TMEM266: variants seen among roughly 807,000 people sequenced by gnomAD.
TMEM266 encodes the protein Hv1 related protein 1.
A neutral mutation model predicts 50.5 loss-of-function variants in TMEM266; 33 were observed. The ratio of observed to expected loss-of-function variants is 0.65; its 90% CI spans 0.50 to 0.87. The LOEUF (loss-of-function observed/expected upper bound fraction) is 0.87, where lower values mean the gene tolerates loss of function less well. Ranked by LOEUF, TMEM266 falls within the 40% of genes least tolerant of loss-of-function variation. The pLI is 0.00. For missense variants in TMEM266, 655 were observed against 695.1 expected (o/e 0.94, Z 0.65); for synonymous variants, 310 against 292.3 (o/e 1.06, Z -0.62).
chr15:76,080,967 T>G (rs1335888293), intron 1 of TMEM266, among the ~76,000 whole-genome samples: 6 of 151,464 alleles, frequency 4.0e-5, no homozygotes, highest in Admixed American at 2.0e-4. Context: ...CCCAGGCTGG[T>G]CTCCAACCCT....
intron 8 of TMEM266, among the ~76,000 whole-genome samples, chr15:76,190,147 G>A (rs1178447802): frequency 6.6e-6 from 1 of 152,252 alleles, no homozygotes; most frequent in Non-Finnish European, 1.5e-5. Context: ...TGATGCAACT[G>A]AGTGCCTGGG....
chr15:76,203,009 A>G (rs1329090207), intron 10 of TMEM266, among the ~76,000 whole-genome samples: 3 of 151,802 alleles, frequency 2.0e-5, no homozygotes, highest in Non-Finnish European at 4.4e-5. Context: ...TCTCCAGCCC[A>G]GACCTCTCTC....
chr15:76,200,828 C>T (rs933780522), intron 9 of TMEM266, among the ~76,000 whole-genome samples: 3 of 152,196 alleles, frequency 2.0e-5, no homozygotes, highest in Non-Finnish European at 2.9e-5. Flanking sequence ...AGCCCGGGGC[C>T]CTCCCTCAAC....
At chr15:76,199,659 T>A (rs2038711172) in intron 9 of TMEM266, among the ~76,000 whole-genome samples, 1 of 152,158 alleles carries the variant, frequency 6.6e-6, no homozygotes, top group South Asian at 2.1e-4. Context: ...CTCGGGGCAC[T>A]TGGCACAGTC....
intron 3 of TMEM266, among the ~76,000 whole-genome samples, 185 bp from the exon 4 acceptor site, chr15:76,156,419 T>G (rs1203983664): frequency 6.6e-6 from 1 of 152,092 alleles, no homozygotes; most frequent in Admixed American, 6.5e-5. Flanking sequence ...TAATGAGATA[T>G]TTTCACCCTT....
At chr15:76,098,516 G>T (rs779559242) in intron 1 of TMEM266, among the ~76,000 whole-genome samples, 10 of 152,204 alleles carry the variant, frequency 6.6e-5, no homozygotes, top group Non-Finnish European at 1.2e-4. Flanking sequence ...GTGTCTGTCG[G>T]CCCCTACTGG....
At chr15:76,146,187 G>A (rs1022668279) in intron 3 of TMEM266, among the ~76,000 whole-genome samples, 2 of 152,276 alleles carry the variant, frequency 1.3e-5, no homozygotes, top group Middle Eastern at 3.4e-3. Context: ...CCACAGACCC[G>A]TAGGAGAAAT....
intron 4 of TMEM266, among the ~76,000 whole-genome samples, chr15:76,157,941 T>G (rs1049980224): frequency 1.3e-5 from 2 of 152,138 alleles, no homozygotes; most frequent in African/African-American, 4.8e-5. Flanking sequence ...TGAGCCGTGA[T>G]CACGCCACTG....
chr15:76,182,050 G>C (rs1396990751), intron 8 of TMEM266, among the ~76,000 whole-genome samples: 1 of 152,166 alleles, frequency 6.6e-6, no homozygotes, highest in East Asian at 1.9e-4. Flanking sequence ...GGTGACTCAA[G>C]GTCCAGCCTC....
intron 5 of TMEM266, among the ~76,000 whole-genome samples, chr15:76,162,771 G>T (rs141454733): frequency 1.3e-5 from 2 of 152,180 alleles, no homozygotes; most frequent in Non-Finnish European, 2.9e-5. Flanking sequence ...AAGTCCGACC[G>T]AGTGATCACT....
chr15:76,087,527 G>A (rs980078536), intron 1 of TMEM266, among the ~76,000 whole-genome samples: 1 of 152,144 alleles, frequency 6.6e-6, no homozygotes, highest in African/African-American at 2.4e-5. Context: ...CATGTCCAGT[G>A]GACAGAACTA....
At chr15:76,134,382 G>C (rs1596126151) in intron 2 of TMEM266, 81 bp downstream of exon 2, 81 of 1,472,992 alleles carry the variant, frequency 5.5e-5, no homozygotes, top group African/African-American at 2.8e-5. Flanking sequence ...TCTAATTTAG[G>C]CAGCCACTAT....
chr15:76,177,130 C>G (rs1343063442), intron 8 of TMEM266, among the ~76,000 whole-genome samples: 1 of 152,242 alleles, frequency 6.6e-6, no homozygotes, highest in Admixed American at 6.5e-5. Context: ...GCAGCCCTCA[C>G]TTGTCCACAT....
intron 1 of TMEM266, among the ~76,000 whole-genome samples, chr15:76,104,539 C>T (rs2037053003): frequency 6.6e-6 from 1 of 152,180 alleles, no homozygotes; most frequent in South Asian, 2.1e-4. Context: ...AAGTTGGGGG[C>T]CCGGCGCGGT....
chr15:76,185,122 T>C (rs891154699), intron 8 of TMEM266, among the ~76,000 whole-genome samples: 2 of 152,110 alleles, frequency 1.3e-5, no homozygotes, highest in African/African-American at 4.8e-5. Context: ...TTTTGGTATT[T>C]ATTCTGCTTA....
At chr15:76,178,183 G>A (rs2038325823) in intron 8 of TMEM266, among the ~76,000 whole-genome samples, 1 of 152,128 alleles carries the variant, frequency 6.6e-6, no homozygotes, top group Non-Finnish European at 1.5e-5. Context: ...AAGCAGGACT[G>A]GGGGATCTGC....
intron 9 of TMEM266, among the ~76,000 whole-genome samples, chr15:76,194,947 G>A (rs1247600716): frequency 6.6e-6 from 1 of 152,158 alleles, no homozygotes; most frequent in Non-Finnish European, 1.5e-5. Flanking sequence ...AGGCACATAA[G>A]ACCCCTGACG....
At chr15:76,176,295 C>G (rs573685152) in intron 8 of TMEM266, 1 of 153,836 alleles carries the variant, frequency 6.5e-6, no homozygotes, top group Admixed American at 6.5e-5. Flanking sequence ...GGCCACCCCT[C>G]TGCCCTCAGT....
intron 1 of TMEM266, among the ~76,000 whole-genome samples, chr15:76,131,531 A>G (rs181756159): frequency 6.6e-6 from 1 of 152,354 alleles, no homozygotes; most frequent in East Asian, 1.9e-4. Context: ...TCTTAGTCTC[A>G]GAAGACTTTA....
Sources: gnomAD v4.1 joint callset for allele counts (sites outside exome capture counted in the v4.1 genomes callset) on GRCh38, gnomAD v4.1.1 for gene constraint, MANE v1.5 for transcripts, NCBI Gene and HGNC (gene_info 2026-07-23, HGNC 2026-07-21) for gene names.